The following TMPRSS13 variants were observed in gnomAD, a reference collection of about 807,000 sequenced individuals.
TMPRSS13 encodes the protein transmembrane serine protease 13.
Under a neutral mutation model 68.4 loss-of-function variants are expected in TMPRSS13, and 50 were observed. That is an observed-to-expected ratio of 0.73 (90% CI 0.58 to 0.93). The LOEUF (loss-of-function observed/expected upper bound fraction) is 0.93. TMPRSS13 is among the 40% of genes least tolerant of loss of function. The pLI is 0.00. For missense variants in TMPRSS13, 615 were observed against 729.2 expected (o/e 0.84, Z 1.80); for synonymous variants, 267 against 285.8 (o/e 0.93, Z 0.66).
chr11:117,905,435 G>A (rs2057454801), intron 10 of TMPRSS13, among the ~76,000 whole-genome samples: 1 of 152,064 alleles, frequency 6.6e-6, no homozygotes. Context: ...CTTGATTGGA[G>A]GGCATTGTCA....
chr11:117,909,784 C>T (rs2057501872), intron 8 of TMPRSS13, 22 bp downstream of exon 8: 1 of 1,599,022 alleles, frequency 6.3e-7, no homozygotes, highest in African/African-American at 1.3e-5. Flanking sequence ...AGTGTCAAAT[C>T]ACCTGCCTCT....
chr11:117,914,281 G>T lies in TMPRSS13; in HGVS notation c.679+111C>A. 1 of 1,412,624 alleles carries T rather than the reference G, an allele frequency of 7.1e-7. No individual in the cohort carries two copies. 87.5% of individuals were successfully genotyped at this position (1,412,624 alleles called of 1,614,324 possible). On this transcript the variant is annotated intron_variant, in intron 4 of 12. Transcript: ENST00000524993. This position sits in a 1 kb window ranked among gnomAD's most constrained non-coding sequence, Gnocchi z 4.2. ...CACAAACATGCACATACACACACAT[G>T]CACGCACACATATACACACACAGGC...
chr11:117,903,948 G>T lies in TMPRSS13; in HGVS notation c.1524+11C>A, dbSNP rs769438815. ...TGCTGGGACCTGAGCCCCACCCACA[G>T]GTACCCTCACCTGGCAGGAGTCTCT... is the stretch of plus-strand genomic sequence containing the variant. On this transcript the variant is annotated intron_variant, in intron 11 of 12. Transcript: ENST00000524993. The T allele has an allele frequency of 1.4e-5, 22 of 1,609,958 alleles. No homozygotes were observed. The South Asian group carries it at 2.3e-4, about 17-fold the overall frequency.
intron 1 of TMPRSS13, among the ~76,000 whole-genome samples, chr11:117,921,942 C>T (rs2057652853): frequency 6.6e-6 from 1 of 152,216 alleles, no homozygotes; most frequent in African/African-American, 2.4e-5. Flanking sequence ...CACCCCCTGA[C>T]TCTGACCCTC....
At chr11:117,919,638 A>C (rs532417012) in intron 1 of TMPRSS13, among the ~76,000 whole-genome samples, 24 of 152,378 alleles carry the variant, frequency 1.6e-4, no homozygotes, top group African/African-American at 5.8e-4. Context: ...GGGACAATAA[A>C]ATACTAATCA....
rs192414568 is a variant in TMPRSS13 at position 117,924,605 on chromosome 11, A to G, written c.21+4682T>C. ...GATCTCCCTTTGACAGAGCCTAAAA[A>G]CCCTCCTTGCCTGTTGGGAACCTGG... On this transcript the variant is annotated intron_variant, in intron 1 of 12. Transcript: ENST00000524993. Among the ~76,000 whole-genome samples the G allele has an allele frequency of 3.7e-3, 555 of 151,344 alleles. 1 individual carries two copies. Among genetic ancestry groups the G allele is most frequent in the Middle Eastern group, 0.014 (4 of 294 alleles).
In TMPRSS13 at chr11:117,914,895, C is replaced by A. The variant is rs772926090; in HGVS notation, c.557-381G>T. On this transcript the variant is annotated intron_variant, in intron 3 of 12. Transcript: ENST00000524993. This position sits in a 1 kb window ranked among gnomAD's most constrained non-coding sequence, Gnocchi z 4.2. ...GAGCTTCCCTCTCAGAACCCCTCTG[C>A]CATCCCATCTTCTCTGTGCTCCGCA... is the stretch of plus-strand genomic sequence containing the variant. 6.6e-6 allele frequency among the ~76,000 whole-genome samples: 1 copy of A among 152,202 alleles called. No individual in the cohort carries two copies. The highest frequency in any genetic ancestry group is 2.4e-5 in the African/African-American group (1 of 41,426).
At chr11:117,903,502 AC>A in intron 12 of TMPRSS13, 152 bp downstream of exon 12, 1 of 1,545,752 alleles carries the variant, frequency 6.5e-7, no homozygotes, top group Non-Finnish European at 8.7e-7. Flanking sequence ...GCTGGGATTG[AC>A]CCCAGGCATC....
rs371861722 is a variant in TMPRSS13, at chr11:117,914,361, G to A, written c.679+31C>T. 20 of 1,610,298 alleles carry A rather than the reference G, an allele frequency of 1.2e-5. No homozygotes were observed. The highest frequency in any genetic ancestry group is 1.2e-4 in the Admixed American group (7 of 59,908). On this transcript the variant is annotated intron_variant, in intron 4 of 12. Coordinates refer to ENST00000524993, the MANE Select transcript of TMPRSS13 (RefSeq NM_001077263.3). This position sits in a 1 kb window ranked among gnomAD's most constrained non-coding sequence, Gnocchi z 4.2. ...CACACAAACACATGCACATGCACAC[G>A]CACGCGCTCCCCCGCACCCAGCCTC...
At chr11:117,913,974 G>A (rs533915302) in intron 4 of TMPRSS13, 68 bp from the exon 5 acceptor site, 4 of 1,559,606 alleles carry the variant, frequency 2.6e-6, no homozygotes, top group East Asian at 2.3e-5. Context: ...TGGGGGATGA[G>A]CTGAGTGAGG....
At chr11:117,903,605 G>A in intron 12 of TMPRSS13, 50 bp downstream of exon 12, 4 of 1,612,846 alleles carry the variant, frequency 2.5e-6, no homozygotes, top group South Asian at 2.2e-5. Context: ...GTCCCCACCT[G>A]AGGAAGTTCC....
At chr11:117,920,991 T>C (rs985417516) in intron 1 of TMPRSS13, among the ~76,000 whole-genome samples, 1 of 152,196 alleles carries the variant, frequency 6.6e-6, no homozygotes, top group Non-Finnish European at 1.5e-5. Context: ...AAGAGCCTGG[T>C]CTATAAATGT....
intron 8 of TMPRSS13, 53 bp downstream of exon 8, chr11:117,909,753 T>C (rs1207120015): frequency 6.4e-7 from 1 of 1,569,804 alleles, no homozygotes; most frequent in Non-Finnish European, 8.6e-7. Context: ...CAGCCCTTCC[T>C]GGTGGTTCCC....
At chr11:117,924,029 T>A (rs2057673792) in intron 1 of TMPRSS13, among the ~76,000 whole-genome samples, 1 of 151,664 alleles carries the variant, frequency 6.6e-6, no homozygotes, top group Non-Finnish European at 1.5e-5. Flanking sequence ...TATCACAGGC[T>A]GTCAGAGTTG....
intron 8 of TMPRSS13, among the ~76,000 whole-genome samples, chr11:117,909,583 G>A (rs370763367): frequency 3.7e-4 from 56 of 152,294 alleles, no homozygotes; most frequent in African/African-American, 1.3e-3. Flanking sequence ...CCTTGGGGCC[G>A]TCAATGGGAC....
At chr11:117,924,825 G>A (rs879520115) in intron 1 of TMPRSS13, among the ~76,000 whole-genome samples, 1 of 152,114 alleles carries the variant, frequency 6.6e-6, no homozygotes, top group Admixed American at 6.5e-5. Context: ...CAGCACACAG[G>A]CATCTTCCCC....
At position 117,913,803 on chromosome 11, in the gene TMPRSS13, C is replaced by T; in HGVS notation, c.783G>A (p.Lys261=). The change falls in exon 5 of 13, where the codon AAG becomes AAA. Residue 261 remains lysine (K), a synonymous_variant. Coordinates refer to ENST00000524993, the MANE Select transcript of TMPRSS13 (RefSeq NM_001077263.3). Reference sequence around the variant, plus strand: ...TCTCGAAACCCAGCTGCTGGCAGGTCTTCTCTGAGTAGGAGTCATTCCAGT... The same window carrying T: ...TCTCGAAACCCAGCTGCTGGCAGGTTTTCTCTGAGTAGGAGTCATTCCAGT... ...SSNWNDSYSE[K]TCQQLGFESA... The T allele has an allele frequency of 1.2e-6, 2 of 1,614,126 alleles. No individual in the cohort carries two copies. The highest frequency in any genetic ancestry group is 1.1e-5 in the South Asian group (1 of 91,074).
At chr11:117,926,323 TG>T (rs1456469906) in intron 1 of TMPRSS13, among the ~76,000 whole-genome samples, 1 of 151,886 alleles carries the variant, frequency 6.6e-6, no homozygotes, top group Non-Finnish European at 1.5e-5. Context: ...GTCCTTGGGG[TG>T]CCTGGGGCTG....
At position 117,917,180 on chromosome 11, in the gene TMPRSS13, G is replaced by A; in HGVS notation, c.546C>T (p.Leu182=). ...CTCCATTCAACTCACAGAGGATGAT[G>A]AGCGAAACCACCAGGGCAATGAGGA... is the stretch of plus-strand genomic sequence containing the variant. ...VLLLIALVVS[L]IILFQFWQGH... is the part of the protein sequence containing the mutation. The change falls in exon 3 of 13, where the codon CTC becomes CTT. Residue 182 remains leucine (L), a synonymous_variant. Coordinates refer to ENST00000524993, the MANE Select transcript of TMPRSS13 (RefSeq NM_001077263.3). The A allele has an allele frequency of 6.2e-7, 1 of 1,611,930 alleles. No individual in the cohort carries two copies. Among genetic ancestry groups the A allele is most frequent in the South Asian group, 1.1e-5 (1 of 91,050 alleles).
Sources: allele counts gnomAD v4.1 joint callset (sites outside exome capture counted in the v4.1 genomes callset), GRCh38; gene constraint gnomAD v4.1.1; non-coding constraint Gnocchi (gnomAD v3.1); transcripts MANE v1.5; gene names NCBI Gene and HGNC (gene_info 2026-07-23, HGNC 2026-07-21).